Variants in ADGRF1 observed in about 807,000 individuals in gnomAD.
ADGRF1 encodes G protein-coupled receptor 110.
Under a neutral mutation model 87.2 loss-of-function variants are expected in ADGRF1, and 85 were observed. The ratio of observed to expected loss-of-function variants is 0.97; its 90% confidence interval spans 0.82 to 1.17. ADGRF1 has a LOEUF of 1.17. Among genes scored for constraint, ADGRF1 ranks in the 50% most tolerant of loss-of-function variants. ADGRF1 has a pLI of 0.00. For missense variants in ADGRF1, 1,169 were observed against 1,077.2 expected, an observed-to-expected ratio of 1.09 and a Z score of -1.19; for synonymous variants, 430 against 408.8, an observed-to-expected ratio of 1.05 and a Z score of -0.63.
Position 47,009,876 on chromosome 6 carries a change from A to G in ADGRF1, c.1559T>C (p.Leu520Pro), listed in dbSNP as rs1395654873. 1 of 1,614,070 alleles carries G rather than the reference A, an allele frequency of 6.2e-7. No individual in the cohort carries two copies. The highest frequency in any genetic ancestry group is 2.2e-5 in the East Asian group (1 of 44,884). The change falls in exon 11 of 15, where the codon CTA becomes CCA. Residue 520 changes from leucine to proline, a missense_variant. Transcript: ENST00000371253. ...IQNYSINEVF[L>P]FFSKIESNLS... Reference sequence around the variant, plus strand: ...GTTTGACTCTATCTTGGAAAAAAATAGGAAAACTTCATTTATGGAATAGTT... The same window carrying G: ...GTTTGACTCTATCTTGGAAAAAAATGGGAAAACTTCATTTATGGAATAGTT...
intron 7 of ADGRF1, chr6:47,017,870 G>C (rs552250981): frequency 6.5e-6 from 1 of 152,780 alleles, no homozygotes; most frequent in East Asian, 1.9e-4. Context: ...CATCTTGACA[G>C]GAAGGGACTT....
chr6:47,012,243 TTCA>T, intron 9 of ADGRF1, 48 bp from the exon 10 acceptor site: 1 of 1,588,344 alleles, frequency 6.3e-7, no homozygotes, highest in Non-Finnish European at 8.6e-7. Context: ...CATGCTGTGT[TTCA>T]TCAAATTTAA....
chr6:47,005,941 C>A, intron 12 of ADGRF1, 65 bp from the exon 13 acceptor site: 2 of 1,026,906 alleles, frequency 1.9e-6, no homozygotes, highest in African/African-American at 1.6e-5. Context: ...AAATCAAGAA[C>A]AACTGCAGGT....
At chr6:47,034,743 T>C (rs1041234375) in intron 1 of ADGRF1, among the ~76,000 whole-genome samples, 1 of 152,222 alleles carries the variant, frequency 6.6e-6, no homozygotes, top group Admixed American at 6.5e-5. Context: ...AGGATCCCTA[T>C]TTTAACTCTC....
intron 2 of ADGRF1, among the ~76,000 whole-genome samples, chr6:47,028,621 A>G (rs1780317940): frequency 6.6e-6 from 1 of 152,208 alleles, no homozygotes; most frequent in Admixed American, 6.5e-5. Context: ...ATCCTAGATG[A>G]AAGCATCACT....
At chr6:47,023,332 G>A (rs918590406) in intron 5 of ADGRF1, among the ~76,000 whole-genome samples, 6 of 152,312 alleles carry the variant, frequency 3.9e-5, no homozygotes, top group Middle Eastern at 6.8e-3. Flanking sequence ...CCAGGAAGGA[G>A]AGCCAGTATT....
In ADGRF1 at chr6:47,010,056, A is replaced by C; in HGVS notation, c.1379T>G (p.Ile460Ser). The C allele has an allele frequency of 6.2e-7, 1 of 1,614,106 alleles. No individual in the cohort carries two copies. Among genetic ancestry groups the C allele is most frequent in the South Asian group, 1.1e-5 (1 of 91,070 alleles). The change falls in exon 11 of 15, where the codon ATC becomes AGC. Residue 460 changes from isoleucine to serine, a missense_variant. Transcript: ENST00000371253. ...KMCPQNTSIP[I>S]RGRVLIGSDQ... ...TGACCCAATTAACACACGGCCTCTG[A>C]TGGGAATAGATGTATTTTGGGGACA...
intron 1 of ADGRF1, among the ~76,000 whole-genome samples, chr6:47,031,851 C>T (rs570975433): frequency 8.5e-5 from 13 of 152,148 alleles, no homozygotes; most frequent in African/African-American, 2.9e-4. Context: ...CTCAGCCTGC[C>T]GAGTAGCTGA....
Position 47,000,036 on chromosome 6 carries a change from A to G in ADGRF1, c.*186T>C. 3 of 526,544 alleles carry G rather than the reference A, an allele frequency of 5.7e-6. No homozygotes were observed. The highest frequency in any genetic ancestry group is 5.2e-5 in the South Asian group (2 of 38,142). 32.6% of individuals were successfully genotyped at this position (526,544 alleles called of 1,614,324 possible). On this transcript the variant is annotated 3_prime_UTR_variant, in exon 15 of 15. Transcript: ENST00000371253. The stretch of plus-strand genomic sequence containing the variant: ...TTTGAATCAAATCACATGGAAATAA[A>G]TCTTCTTTTCATTTAATTGAAGACA...
chr6:47,032,925 C>A (rs1226548), intron 1 of ADGRF1, among the ~76,000 whole-genome samples: 39,899 of 152,160 alleles, frequency 0.26, 6,162 homozygotes, highest in African/African-American at 0.41. Context: ...AGGTCCACAG[C>A]AGCAAGGATG....
chr6:47,041,251 C>G (rs558286873), intron 1 of ADGRF1, among the ~76,000 whole-genome samples: 1 of 152,274 alleles, frequency 6.6e-6, no homozygotes, highest in African/African-American at 2.4e-5. Context: ...TTAATGACAA[C>G]AGAGCATAAT....
In ADGRF1 at chr6:47,009,209, T is replaced by A; in HGVS notation, c.2226A>T (p.Lys742Asn). The A allele has an allele frequency of 6.2e-7, 1 of 1,614,136 alleles. No homozygotes were observed. Among genetic ancestry groups the A allele is most frequent in the Non-Finnish European group, 8.5e-7 (1 of 1,180,022 alleles). ...CAGGGACAACAAAAGCCAGGAGTGG[T>A]TTGCTTCCATTGGACCAGTTAAGCC... ...VCWLNWSNGSKPLLAFVVPAL... is the reference protein window; with the variant it reads ...VCWLNWSNGSNPLLAFVVPAL... The change falls in exon 11 of 15, where the codon AAA becomes AAT. Residue 742 changes from lysine (K) to asparagine (N), a missense_variant. Physicochemically the swap from Lys to Asn is moderately conservative, Grantham distance 94. Transcript: ENST00000371253.
chr6:47,009,753 C>A lies in ADGRF1; in HGVS notation c.1682G>T (p.Cys561Phe). ...GAAGGAGGTCAAGTGAGTACATTGG[C>A]ACGTCACGATGTCTTGAGTTTCATT... ...LVNETQDIVT[C>F]QCTHLTSFSI... Residue 561 changes from cysteine to phenylalanine, a missense_variant, in exon 11 of 15, where the codon TGC (cysteine) becomes TTC (phenylalanine). Transcript: ENST00000371253. 1 of 1,614,184 alleles carries A rather than the reference C, an allele frequency of 6.2e-7. No individual in the cohort carries two copies. The highest frequency in any genetic ancestry group is 8.5e-7 in the Non-Finnish European group (1 of 1,180,020).
chr6:47,023,053 A>T (rs948936086), intron 5 of ADGRF1, among the ~76,000 whole-genome samples: 7 of 152,092 alleles, frequency 4.6e-5, no homozygotes, highest in African/African-American at 1.2e-4. Flanking sequence ...GAGCTCAAGC[A>T]ATCAGCCCGC....
At position 47,016,512 on chromosome 6, in the gene ADGRF1, A is replaced by G. The variant is rs1779882924; in HGVS notation, c.763+105T>C. The G allele has an allele frequency of 7.7e-6, 10 of 1,295,850 alleles. No homozygotes were observed. The East Asian group carries it at 1.5e-4, about 19-fold the overall frequency. 80.3% of individuals were successfully genotyped at this position (1,295,850 alleles called of 1,614,324 possible). ...GTTTGTGCTGAAAGGCAGTTAGAGA[A>G]CAATTCGTTATTCAAACGTCTCAAA... On this transcript the variant is annotated intron_variant, in intron 8 of 14. Coordinates refer to ENST00000371253, the MANE Select transcript of ADGRF1 (RefSeq NM_153840.4).
In ADGRF1 at chr6:47,009,908, A is replaced by G. The variant is rs202087361; in HGVS notation, c.1527T>C (p.Val509=). ...AQVNGPVIST[V]IQNYSINEVF... is the part of the protein sequence containing the mutation. ...CTTCATTTATGGAATAGTTTTGAAT[A>G]ACCGTGGATATCACAGGTCCATTGA... The change falls in exon 11 of 15, where the codon GTT becomes GTC. Residue 509 remains valine (V), a synonymous_variant. Coordinates refer to ENST00000371253, the MANE Select transcript of ADGRF1 (RefSeq NM_153840.4). 1.7e-4 allele frequency: 276 copies of G among 1,614,160 alleles called. No individual in the cohort carries two copies. The highest frequency in any genetic ancestry group is 2.0e-4 in the Admixed American group (12 of 60,020).
At chr6:47,002,154 T>C (rs1348902399) in intron 13 of ADGRF1, among the ~76,000 whole-genome samples, 2 of 152,220 alleles carry the variant, frequency 1.3e-5, no homozygotes, top group African/African-American at 4.8e-5. Flanking sequence ...TTCTACTCAT[T>C]AGTTCATCAT....
Position 46,999,449 on chromosome 6 carries a change from C to G in ADGRF1, c.*773G>C, listed in dbSNP as rs1423821116. 1 of 151,990 alleles carries G rather than the reference C, an allele frequency of 6.6e-6. No individual in the cohort carries two copies. Among genetic ancestry groups the G allele is most frequent in the Non-Finnish European group, 1.5e-5 (1 of 68,042 alleles). The allele number at this position is 151,990 out of a possible 1,614,324, so 9.4% of individuals were successfully genotyped here. A position where few individuals can be genotyped will look rare whatever the true frequency, so the allele number is the denominator to read the frequency against. On this transcript the variant is annotated 3_prime_UTR_variant, in exon 15 of 15. Transcript: ENST00000371253. The stretch of plus-strand genomic sequence containing the variant: ...AATGTCCTAAAAATCCCCAATTTCC[C>G]TTAACTGGCTTCACAATCTTTGGCA...
At chr6:47,019,319 G>A in intron 7 of ADGRF1, 1 of 982,528 alleles carries the variant, frequency 1.0e-6, no homozygotes, top group Non-Finnish European at 1.2e-6. Flanking sequence ...GAATTTTAAA[G>A]AAAACTATTC....
Sources: gnomAD v4.1 joint callset for allele counts (sites outside exome capture counted in the v4.1 genomes callset) on GRCh38, gnomAD v4.1.1 for gene constraint, MANE v1.5 for transcripts, NCBI Gene and HGNC (gene_info 2026-07-23, HGNC 2026-07-21) for gene names.